Variants in MAGED2 observed in about 807,000 individuals in gnomAD.
MAGED2 encodes the protein MAGE family member D2, also known as melanoma-associated antigen D2.
Under a neutral mutation model 41.7 loss-of-function variants are expected in MAGED2, and 6 were observed. The observed-to-expected ratio is 0.14, with a 90% CI of 0.08 to 0.28. The LOEUF is 0.28. MAGED2 is among the 10% of genes least tolerant of loss of function. The probability of loss-of-function intolerance (pLI) is 1.00; values close to 1 mark genes in which losing one functional copy is unlikely to be tolerated. For synonymous variants in MAGED2, 146 were observed against 178.2 expected, an observed-to-expected ratio of 0.82 and a Z score of 1.44; for missense variants, 343 against 486.4, an observed-to-expected ratio of 0.71 and a Z score of 2.77.
chrX:54,809,188 G>T, intron 1 of MAGED2, 115 bp from the exon 2 acceptor site: 1 of 520,346 alleles, frequency 1.9e-6, no homozygotes. Context: ...GTCGTTGGGG[G>T]TGGTGGAGGG....
intron 2 of MAGED2, 68 bp downstream of exon 2, chrX:54,809,444 C>T (rs982231787): frequency 9.6e-7 from 1 of 1,043,818 alleles, no homozygotes; most frequent in Admixed American, 2.2e-5. Context: ...CCCCCAAGTC[C>T]CTTGGCTCTT....
At position 54,815,217 on chromosome X, in the gene MAGED2, A is replaced by G. The variant is rs923342078; in HGVS notation, c.1387-31A>G. ...ATTATTACTATGGCTTAATCCCTCTATGCTCCTTCTGATGGTTATTTTTGT... is the reference window on the plus strand; with the variant it reads ...ATTATTACTATGGCTTAATCCCTCTGTGCTCCTTCTGATGGTTATTTTTGT... On this transcript the variant is annotated intron_variant, in intron 11 of 12. Coordinates refer to ENST00000375068, the MANE Select transcript of MAGED2 (RefSeq NM_177433.3). 1.3e-5 allele frequency: 15 copies of G among 1,138,938 alleles called. No individual in the cohort carries two copies. In the African/African-American group the frequency reaches 1.5e-4, roughly 11 times the overall value. 93.9% of individuals were successfully genotyped at this position (1,138,938 alleles called of 1,213,427 possible).
chrX:54,811,308 G>A lies in MAGED2; in HGVS notation c.905G>A (p.Arg302His), dbSNP rs1313524920. ...AKDQTKIPIK[R>H]SDMLKDIIKE... Reference sequence around the variant, plus strand: ...GACCAGACGAAGATTCCCATCAAGCGCTCGGGTAAAGTCCTACCAATCCTC... The same window carrying A: ...GACCAGACGAAGATTCCCATCAAGCACTCGGGTAAAGTCCTACCAATCCTC... The change falls in exon 5 of 13, where the codon CGC (arginine) becomes CAC (histidine). Residue 302 changes from arginine to histidine, a missense_variant. Coordinates refer to ENST00000375068, the MANE Select transcript of MAGED2 (RefSeq NM_177433.3). 3.3e-6 allele frequency: 4 copies of A among 1,209,663 alleles called. No individual in the cohort carries two copies. Among genetic ancestry groups the A allele is most frequent in the Non-Finnish European group, 4.5e-6 (4 of 893,521 alleles).
chrX:54,814,486 C>T lies in MAGED2; in HGVS notation c.1272-175C>T, dbSNP rs146570264. 1,924 of 546,842 alleles carry T rather than the reference C, an allele frequency of 3.5e-3. 31 individuals are homozygous for T. In the African/African-American group the frequency reaches 0.037, roughly 10 times the overall value. 45.1% of individuals were successfully genotyped at this position (546,842 alleles called of 1,213,427 possible). On this transcript the variant is annotated intron_variant, in intron 10 of 12. Coordinates refer to ENST00000375068, the MANE Select transcript of MAGED2 (RefSeq NM_177433.3). ...AACTTGTGGCTTCCCTATGAACAAA[C>T]GTCCCCCAACACCTCTATGTGGCTT...
intron 7 of MAGED2, among the ~76,000 whole-genome samples, chrX:54,812,666 A>T (rs1034878242): frequency 9.3e-6 from 1 of 107,811 alleles, no homozygotes. Context: ...GAAGGGACTC[A>T]CATTGACTGA....
At position 54,814,650 on chromosome X, in the gene MAGED2, C is replaced by G. The variant is rs767412249; in HGVS notation, c.1272-11C>G. 1 of 1,125,849 alleles carries G rather than the reference C, an allele frequency of 8.9e-7. No individual in the cohort carries two copies. The highest frequency in any genetic ancestry group is 1.2e-6 in the Non-Finnish European group (1 of 818,111). 92.8% of individuals were successfully genotyped at this position (1,125,849 alleles called of 1,213,427 possible). A position where few individuals can be genotyped will look rare whatever the true frequency, so the allele number is the denominator to read the frequency against. On this transcript the variant is annotated splice_polypyrimidine_tract_variant and intron_variant, in intron 10 of 12. Coordinates refer to ENST00000375068, the MANE Select transcript of MAGED2 (RefSeq NM_177433.3). ...TCTTAGAAATAAAGGCTTTGAACCTCTCTTTCCAAGGTACCTGGACTATGC... is the reference window on the plus strand; with the variant it reads ...TCTTAGAAATAAAGGCTTTGAACCTGTCTTTCCAAGGTACCTGGACTATGC...
intron 6 of MAGED2, 107 bp downstream of exon 6, chrX:54,811,760 T>TCGC (rs1194419345): frequency 8.8e-6 from 5 of 570,104 alleles, no homozygotes; most frequent in Non-Finnish European, 1.5e-5. Flanking sequence ...TCCAGCTCCA[T>TCGC]CGCTATGCTG....
intron 3 of MAGED2, 34 bp downstream of exon 3, chrX:54,810,247 T>G: frequency 1.1e-6 from 1 of 886,083 alleles, no homozygotes; most frequent in South Asian, 2.7e-5. Flanking sequence ...CTTGGTTTTC[T>G]ACTCCTCTCT....
In MAGED2 at chrX:54,809,933, C is replaced by T; in HGVS notation, c.257C>T (p.Thr86Ile). The T allele has an allele frequency of 8.3e-7, 1 of 1,202,153 alleles. No individual in the cohort carries two copies. The highest frequency in any genetic ancestry group is 1.1e-6 in the Non-Finnish European group (1 of 890,308). ...REAPATQASS[T>I]TQLTDTQVLA... ...GCACCTGCCACCCAGGCCTCATCTA[C>T]TACTCAGCTGACTGATACCCAGGTT... The change falls in exon 3 of 13, where the codon ACT becomes ATT. Residue 86 changes from threonine (T) to isoleucine (I), a missense_variant. By Grantham distance (89) the Thr-to-Ile change is moderately conservative. Transcript: ENST00000375068.
At chrX:54,812,920 C>T in intron 7 of MAGED2, 25 bp from the exon 8 acceptor site, 1 of 1,146,747 alleles carries the variant, frequency 8.7e-7, no homozygotes, top group South Asian at 1.8e-5. Flanking sequence ...TGAACATAAA[C>T]CTCTCTGTCC....
chrX:54,814,826 T>A, intron 11 of MAGED2, 51 bp downstream of exon 11: 5 of 932,724 alleles, frequency 5.4e-6, no homozygotes, highest in Non-Finnish European at 7.8e-6. Context: ...GGGGTGCCCC[T>A]GGCTGGGGCA....
At position 54,810,889 on chromosome X, in the gene MAGED2, C is replaced by T; in HGVS notation, c.606C>T (p.Gly202=). Reference sequence around the variant, plus strand: ...GTCAGGCTTCTGGAACCACAGGTGGCCGAAGGGTCTCAAAGGCCCTAATGG... The same window carrying T: ...GTCAGGCTTCTGGAACCACAGGTGGTCGAAGGGTCTCAAAGGCCCTAATGG... The part of the protein sequence containing the change: ...DQSQASGTTG[G]RRVSKALMAS... The change falls in exon 4 of 13, where the codon GGC becomes GGT. Residue 202 remains glycine (G), a synonymous_variant. Transcript: ENST00000375068. 1 of 1,202,980 alleles carries T rather than the reference C, an allele frequency of 8.3e-7. No individual in the cohort carries two copies. Among genetic ancestry groups the T allele is most frequent in the Non-Finnish European group, 1.1e-6 (1 of 889,884 alleles).
At position 54,815,474 on chromosome X, in the gene MAGED2, A is replaced by C; in HGVS notation, c.1613A>C (p.Lys538Thr). Reference sequence around the variant, plus strand: ...CGGATCCAGGCGGGAGCAGAAGCTAAAGCCAAAGCCCAAGAGAGTGGCAGT... The same window carrying C: ...CGGATCCAGGCGGGAGCAGAAGCTACAGCCAAAGCCCAAGAGAGTGGCAGT... The part of the protein sequence containing the change: ...KARIQAGAEA[K>T]AKAQESGSAS... The change falls in exon 12 of 13, where the codon AAA (lysine) becomes ACA (threonine). Residue 538 changes from lysine (K) to threonine (T), a missense_variant. Around this residue, in one of 3 missense-constraint regions of MAGED2, gnomAD observed 53 missense variants for 60.4 expected, o/e 0.88. Transcript: ENST00000375068. The C allele has an allele frequency of 8.3e-7, 1 of 1,201,939 alleles. No individual in the cohort carries two copies. Among genetic ancestry groups the C allele is most frequent in the East Asian group, 3.0e-5 (1 of 33,249 alleles).
Position 54,816,012 on chromosome X carries a change from C to T in MAGED2, c.*140C>T, listed in dbSNP as rs377424961. 1 of 192,430 alleles carries T rather than the reference C, an allele frequency of 5.2e-6. No homozygotes were observed. The highest frequency in any genetic ancestry group is 1.0e-4 in the East Asian group (1 of 10,035). 15.9% of individuals were successfully genotyped at this position (192,430 alleles called of 1,213,427 possible). On this transcript the variant is annotated 3_prime_UTR_variant, in exon 13 of 13. Transcript: ENST00000375068. ...TCTGCATTAAATCTATTTGCCATTT[C>T]TGAGTTTATTGCTTTTTTTGGCGGG...
chrX:54,813,447 T>G (rs1378383343), intron 9 of MAGED2, 41 bp from the exon 10 acceptor site: 2 of 1,116,779 alleles, frequency 1.8e-6, no homozygotes, highest in Non-Finnish European at 2.5e-6. Context: ...TAGCCTTGAG[T>G]GAATTTATTT....
Position 54,815,618 on chromosome X carries a change from G to C in MAGED2, c.1757G>C (p.Gly586Ala). 1 of 1,167,499 alleles carries C rather than the reference G, an allele frequency of 8.6e-7. No homozygotes were observed. The highest frequency in any genetic ancestry group is 1.1e-6 in the Non-Finnish European group (1 of 872,850). Residue 586 changes from glycine (G) to alanine (A), a missense_variant, in exon 12 of 13, where the codon GGC becomes GCC. Coordinates refer to ENST00000375068, the MANE Select transcript of MAGED2 (RefSeq NM_177433.3). ...TATLTFGLFA[G>A]LGGAGASTSG... ...ACTCTCACATTTGGGCTCTTCGCTG[G>C]CCTTGGTGGAGCTGGTGCCAGCACC...
Position 54,811,575 on chromosome X carries a change from C to T in MAGED2, c.912C>T (p.Asp304=), listed in dbSNP as rs748382114. 1 of 1,198,979 alleles carries T rather than the reference C, an allele frequency of 8.3e-7. No homozygotes were observed. Among genetic ancestry groups the T allele is most frequent in the Admixed American group, 2.2e-5 (1 of 46,019 alleles). Residue 304 remains aspartate, a splice_region_variant and synonymous_variant, in exon 6 of 13, where the codon GAC becomes GAT. Transcript: ENST00000375068. ...DQTKIPIKRS[D]MLKDIIKEYT... ...GCTCACAACACTCTCCCCTTGCAGA[C>T]ATGCTGAAGGACATCATCAAAGAAT...
chrX:54,813,671 G>GCAAA, intron 10 of MAGED2, 121 bp downstream of exon 10: 2 of 581,618 alleles, frequency 3.4e-6, no homozygotes, highest in Non-Finnish European at 5.6e-6. Flanking sequence ...ATATTTGCAT[G>GCAAA]TATGCAGGTG....
rs1440107209 is a variant in MAGED2 at position 54,811,095 on chromosome X, C to A, written c.812C>A (p.Pro271Gln). The change falls in exon 4 of 13, where the codon CCA becomes CAA. Residue 271 changes from proline (P) to glutamine (Q), a missense_variant. Pro to Gln is a moderately conservative substitution (Grantham distance 76, BLOSUM62 -1). Coordinates refer to ENST00000375068, the MANE Select transcript of MAGED2 (RefSeq NM_177433.3). ...CAGTCATCCCAAGAGCCTGAAGCAC[C>A]ACCACCTCGGGATGTGGCCCTTTTG... ...KLQSSQEPEA[P>Q]PPRDVALLQG... 27 of 1,196,659 alleles carry A rather than the reference C, an allele frequency of 2.3e-5. No homozygotes were observed. Among genetic ancestry groups the A allele is most frequent in the Non-Finnish European group, 2.9e-5 (26 of 887,270 alleles).
Sources: allele counts gnomAD v4.1 joint callset (sites outside exome capture counted in the v4.1 genomes callset), GRCh38; gene constraint gnomAD v4.1.1; regional missense constraint gnomAD v4.1.1; transcripts MANE v1.5; gene names NCBI Gene and HGNC (gene_info 2026-07-23, HGNC 2026-07-21).